XIRP2: variants seen among roughly 807,000 people sequenced by gnomAD.
XIRP2 encodes xin actin binding repeat containing 2.
In XIRP2, 236 loss-of-function variants were observed where a neutral mutation model predicts 277.0. The ratio of observed to expected loss-of-function variants is 0.85; its 90% CI spans 0.77 to 0.95. The LOEUF (loss-of-function observed/expected upper bound fraction) is 0.95. XIRP2 is among the 40% of genes least tolerant of loss of function. The probability of loss-of-function intolerance (pLI) is 0.00; values close to 1 mark genes in which losing one functional copy is unlikely to be tolerated. For synonymous variants in XIRP2, 1,490 were observed against 1,416.5 expected (o/e 1.05, Z -1.17); for missense variants, 4,640 against 4,157.5 (o/e 1.12, Z -3.19).
chr2:167,104,376 A>G (rs1690561833), intron 2 of XIRP2, among the ~76,000 whole-genome samples: 2 of 152,104 alleles, frequency 1.3e-5, no homozygotes, highest in African/African-American at 4.8e-5. Flanking sequence ...CATCATAACA[A>G]TTTTATCCCA....
At chr2:166,955,464 G>C (rs1406674981) in intron 2 of XIRP2, among the ~76,000 whole-genome samples, 2 of 151,578 alleles carry the variant, frequency 1.3e-5, no homozygotes, top group African/African-American at 2.4e-5. Flanking sequence ...AGGATTGAGG[G>C]GGGTGAGGGA....
chr2:167,203,960 AT>A (rs921911890), intron 3 of XIRP2, among the ~76,000 whole-genome samples: 158 of 150,546 alleles, frequency 1.0e-3, no homozygotes, highest in African/African-American at 3.3e-3. Flanking sequence ...TTCTCAATCA[AT>A]TTTTTTTTTC....
At chr2:167,229,459 G>T (rs1694693947) in intron 5 of XIRP2, among the ~76,000 whole-genome samples, 1 of 152,050 alleles carries the variant, frequency 6.6e-6, no homozygotes, top group African/African-American at 2.4e-5. Flanking sequence ...AACAACAAAA[G>T]AAATCATTAA....
chr2:167,156,596 G>C (rs1692204983), intron 3 of XIRP2, among the ~76,000 whole-genome samples: 1 of 152,156 alleles, frequency 6.6e-6, no homozygotes, highest in South Asian at 2.1e-4. Flanking sequence ...GTGCCTAGTA[G>C]ATATTCAATG....
intron 2 of XIRP2, among the ~76,000 whole-genome samples, chr2:167,107,663 G>A (rs1435010885): frequency 2.0e-5 from 3 of 151,174 alleles, no homozygotes; most frequent in Non-Finnish European, 4.4e-5. Context: ...TTTGGTCTTT[G>A]GATTTTATTT....
chr2:167,195,496 C>T (rs545088150), intron 3 of XIRP2, among the ~76,000 whole-genome samples: 2 of 152,328 alleles, frequency 1.3e-5, no homozygotes, highest in East Asian at 3.9e-4. Context: ...ATGTCCTGCA[C>T]AGCAGCCCCT....
intron 3 of XIRP2, among the ~76,000 whole-genome samples, chr2:167,183,766 A>G (rs1460612758): frequency 6.6e-6 from 1 of 151,946 alleles, no homozygotes; most frequent in East Asian, 1.9e-4. Context: ...TTTAGTATCA[A>G]TGACAATATT....
chr2:167,127,839 C>A (rs1227768691), intron 2 of XIRP2, among the ~76,000 whole-genome samples: 1 of 152,182 alleles, frequency 6.6e-6, no homozygotes, highest in Admixed American at 6.6e-5. Flanking sequence ...TTCAGTTTCA[C>A]TTTTATGCAT....
chr2:166,919,534 G>A (rs1020169373), intron 2 of XIRP2, among the ~76,000 whole-genome samples: 12 of 152,206 alleles, frequency 7.9e-5, no homozygotes, highest in Middle Eastern at 3.4e-3. Flanking sequence ...TTTCAATGTC[G>A]ATTAGATGTC....
Position 166,999,904 on chromosome 2 carries a change from A to G in XIRP2, c.408+96014A>G, listed in dbSNP as rs367854336. Reference sequence around the variant, plus strand: ...AAATTCTTTCTTTCCTTGTAGCTAGAAGAAAATTATTATAAGAAAAAAATA... The same window carrying G: ...AAATTCTTTCTTTCCTTGTAGCTAGGAGAAAATTATTATAAGAAAAAAATA... On this transcript the variant is annotated intron_variant, in intron 2 of 10. Coordinates refer to ENST00000409195, the MANE Select transcript of XIRP2 (RefSeq NM_152381.6). Among the ~76,000 whole-genome samples, 4 of 152,276 alleles carry G rather than the reference A, an allele frequency of 2.6e-5. No individual in the cohort carries two copies. In the East Asian group the frequency reaches 5.8e-4, roughly 22 times the overall value.
At chr2:166,984,038 A>G (rs1686938659) in intron 2 of XIRP2, among the ~76,000 whole-genome samples, 1 of 151,992 alleles carries the variant, frequency 6.6e-6, no homozygotes, top group African/African-American at 2.4e-5. Context: ...CTCATCTCCC[A>G]CCCAATTTCT....
At chr2:167,145,354 G>T (rs1691833126) in intron 3 of XIRP2, among the ~76,000 whole-genome samples, 1 of 152,084 alleles carries the variant, frequency 6.6e-6, no homozygotes, top group African/African-American at 2.4e-5. Flanking sequence ...TTTCATGAAA[G>T]AGTGCAATTA....
At chr2:167,242,405 A>G (rs1239596995) in intron 8 of XIRP2, among the ~76,000 whole-genome samples, 164 bp from the exon 9 acceptor site, 3 of 152,196 alleles carry the variant, frequency 2.0e-5, no homozygotes, top group Non-Finnish European at 4.4e-5. Context: ...AGTGACAAAT[A>G]TTGACTATTA....
At chr2:167,223,636 A>C (rs549957256) in intron 5 of XIRP2, among the ~76,000 whole-genome samples, 66 of 152,328 alleles carry the variant, frequency 4.3e-4, no homozygotes, top group African/African-American at 1.5e-3. Context: ...ACATTGCAAA[A>C]CATTTCTCAT....
chr2:166,938,994 T>G (rs537738728), intron 2 of XIRP2, among the ~76,000 whole-genome samples: 1 of 152,210 alleles, frequency 6.6e-6, no homozygotes, highest in African/African-American at 2.4e-5. Context: ...TCTCTGCACA[T>G]GAGGTGGGTC....
At position 167,243,088 on chromosome 2, in the gene XIRP2, T is replaced by A. The variant is rs141776356; in HGVS notation, c.1696T>A (p.Trp566Arg). 6.2e-6 allele frequency: 10 copies of A among 1,614,050 alleles called. No homozygotes were observed. The East Asian group carries it at 6.7e-5, about 11-fold the overall frequency. The change falls in exon 9 of 11, where the codon TGG becomes AGG. Residue 566 changes from tryptophan to arginine, a missense_variant. Trp to Arg is a moderately radical substitution (Grantham distance 101). Coordinates refer to ENST00000409195, the MANE Select transcript of XIRP2 (RefSeq NM_152381.6). ...GAACTCAGAAAGAGAATACTTGGAA[T>A]GGGATGAAATTCTGAAGGGAGAGGT... The part of the protein sequence containing the change: ...DLNSEREYLE[W>R]DEILKGEVQS...
In XIRP2 at chr2:167,249,142, G is replaced by T. The variant is rs759471956; in HGVS notation, c.7750G>T (p.Glu2584Ter). ...CCAAAATCAACACATAACAGAGGTG[G>T]AAAAGGAAATGCCATTACAAAAAAC... The part of the protein sequence containing the change: ...QSQNQHITEV[E>*]KEMPLQKTNE... Residue 2584 changes from glutamate to a stop codon, truncating the protein, a stop_gained, in exon 9 of 11, where the codon GAA (glutamate) becomes TAA (stop). Coordinates refer to ENST00000409195, the MANE Select transcript of XIRP2 (RefSeq NM_152381.6). LOFTEE classifies it high-confidence loss of function. 1 of 1,613,696 alleles carries T rather than the reference G, an allele frequency of 6.2e-7. No individual in the cohort carries two copies. Among genetic ancestry groups the T allele is most frequent in the Middle Eastern group, 1.7e-4 (1 of 6,056 alleles).
At chr2:166,943,643 T>C (rs536214922) in intron 2 of XIRP2, among the ~76,000 whole-genome samples, 1 of 152,364 alleles carries the variant, frequency 6.6e-6, no homozygotes, top group Admixed American at 6.5e-5. Context: ...CATGATTGTC[T>C]CATGTCACAC....
chr2:166,939,009 G>A (rs1004036289), intron 2 of XIRP2, among the ~76,000 whole-genome samples: 4 of 152,136 alleles, frequency 2.6e-5, no homozygotes, highest in African/African-American at 9.7e-5. Context: ...TGGGTCTCCT[G>A]AATACAGCAC....
Sources: gnomAD v4.1 joint callset for allele counts (sites outside exome capture counted in the v4.1 genomes callset) on GRCh38, gnomAD v4.1.1 for gene constraint, MANE v1.5 for transcripts, NCBI Gene and HGNC (gene_info 2026-07-23, HGNC 2026-07-21) for gene names.